The following ARNT variants were observed in gnomAD, a reference collection of about 807,000 sequenced individuals.
ARNT encodes aryl hydrocarbon receptor nuclear translocator.
A neutral mutation model predicts 105.0 loss-of-function variants in ARNT; 30 were observed. The ratio of observed to expected loss-of-function variants is 0.29; its 90% CI spans 0.21 to 0.39. ARNT has a LOEUF of 0.39. Ranked by LOEUF, ARNT falls within the 10% of genes least tolerant of loss-of-function variation. ARNT has a pLI of 1.00. For synonymous variants in ARNT, 304 were observed against 344.0 expected (o/e 0.88, Z 1.29); for missense variants, 748 against 978.7 (o/e 0.76, Z 3.15).
rs1346748022 is a variant in ARNT, at chr1:150,816,789, T to C, written c.1801A>G (p.Arg601Gly). Residue 601 changes from arginine (R) to glycine (G), a missense_variant and splice_region_variant, in exon 18 of 22, where the codon AGG (arginine) becomes GGG (glycine). This residue lies in a region of ARNT where 360 missense variants were observed against 411.9 expected (regional missense o/e 0.87). Transcript: ENST00000358595. Reference sequence around the variant, plus strand: ...GCAGCACATATATACGGGGCTCACCTGAAATTCTCTGCCGGCCGGGGGGTA... The same window carrying C: ...GCAGCACATATATACGGGGCTCACCCGAAATTCTCTGCCGGCCGGGGGGTA... The part of the protein sequence containing the change: ...PPTPRPAENF[R>G]NSGLAPPVTI... 6.3e-7 allele frequency: 1 copy of C among 1,578,490 alleles called. No homozygotes were observed. Among genetic ancestry groups the C allele is most frequent in the East Asian group, 2.2e-5 (1 of 44,722 alleles).
Position 150,817,901 on chromosome 1 carries a change from TTATTTCACCC to T in ARNT, c.1505+9_1505+18del. On this transcript the variant is annotated intron_variant, in intron 15 of 21. Transcript: ENST00000358595. ...CCCTGGGTGACTGCTCAACAGATGATTATTTCACCCTTTTTTACCTGGGTGCCAGCTGTCC... is the reference window on the plus strand; with the variant it reads ...CCCTGGGTGACTGCTCAACAGATGATTTTTTTACCTGGGTGCCAGCTGTCC... 5.1e-6 allele frequency: 8 copies of T among 1,580,976 alleles called. No homozygotes were observed. The highest frequency in any genetic ancestry group is 6.9e-6 in the Non-Finnish European group (8 of 1,154,168).
At chr1:150,833,835 CAGGGAAAA>C (rs1659780098) in intron 8 of ARNT, among the ~76,000 whole-genome samples, 1 of 150,098 alleles carries the variant, frequency 6.7e-6, no homozygotes, top group Non-Finnish European at 1.5e-5. Context: ...TGTGTTGTAA[CAGGGAAAA>C]AGTAGAGGTT....
At chr1:150,862,947 A>G (rs1206248405) in intron 1 of ARNT, among the ~76,000 whole-genome samples, 1 of 150,702 alleles carries the variant, frequency 6.6e-6, no homozygotes, top group Non-Finnish European at 1.5e-5. Flanking sequence ...GCTACTCGGG[A>G]GGCTGAGGCA....
In ARNT at chr1:150,860,254, C is replaced by T. The variant is rs1170061828; in HGVS notation, c.26-1794G>A. Among the ~76,000 whole-genome samples, 20 of 139,810 alleles carry T rather than the reference C, an allele frequency of 1.4e-4. No homozygotes were observed. In the East Asian group the frequency reaches 3.2e-3, roughly 23 times the overall value. The allele number at this position is 139,810 out of a possible 152,430, so 91.7% of individuals were successfully genotyped here. A position where few individuals can be genotyped will look rare whatever the true frequency, so the allele number is the denominator to read the frequency against. ...TTTTTGAGTTAGAGTCTCACTCTGTCGCCCAGGCTGGAGTGCAGTGGCGCA... is the reference window on the plus strand; with the variant it reads ...TTTTTGAGTTAGAGTCTCACTCTGTTGCCCAGGCTGGAGTGCAGTGGCGCA... On this transcript the variant is annotated intron_variant, in intron 1 of 21. Transcript: ENST00000358595.
chr1:150,869,679 T>C (rs1289379433), intron 1 of ARNT, among the ~76,000 whole-genome samples: 2 of 151,540 alleles, frequency 1.3e-5, no homozygotes, highest in Non-Finnish European at 2.9e-5. Context: ...TCCCAAGTAG[T>C]TGGGACTATA....
Position 150,813,214 on chromosome 1 carries a change from T to G in ARNT, c.2238A>C (p.Gln746His). 1.2e-6 allele frequency: 2 copies of G among 1,613,704 alleles called. No individual in the cohort carries two copies. Among genetic ancestry groups the G allele is most frequent in the South Asian group, 2.2e-5 (2 of 90,928 alleles). The change falls in exon 21 of 22, where the codon CAA (glutamine) becomes CAC (histidine). Residue 746 changes from glutamine (Q) to histidine (H), a missense_variant. By Grantham distance (24) the Gln-to-His change is conservative. This residue lies in a region of ARNT where 360 missense variants were observed against 411.9 expected (regional missense o/e 0.87). Transcript: ENST00000358595. ...GGCCAGGTTGCTGTGCTGGCGGTTG[T>G]TGAACATGTTGCTCACTAGAACTTG... The part of the protein sequence containing the change: ...HRSSSSEQHV[Q>H]QPPAQQPGQP...
At position 150,811,597 on chromosome 1, in the gene ARNT, T is replaced by C. The variant is rs772733665; in HGVS notation, c.*424A>G. ...CCCCATATATACCTACAATGTTTCATGGTCCTCAAATATGAGGACATTTCT... is the reference window on the plus strand; with the variant it reads ...CCCCATATATACCTACAATGTTTCACGGTCCTCAAATATGAGGACATTTCT... On this transcript the variant is annotated 3_prime_UTR_variant, in exon 22 of 22. Transcript: ENST00000358595. The C allele has an allele frequency of 1.3e-5, 3 of 233,926 alleles. No individual in the cohort carries two copies. Among genetic ancestry groups the C allele is most frequent in the Admixed American group, 5.6e-5 (1 of 17,808 alleles). 14.5% of individuals were successfully genotyped at this position (233,926 alleles called of 1,614,324 possible).
chr1:150,815,920 T>C (rs587718240), intron 19 of ARNT, among the ~76,000 whole-genome samples: 1 of 151,940 alleles, frequency 6.6e-6, no homozygotes, highest in East Asian at 1.9e-4. Flanking sequence ...TCACTGTAAG[T>C]TAGTCATTAA....
In ARNT at chr1:150,853,472, TAG is replaced by T. The variant is rs587715646; in HGVS notation, c.138-668_138-667del. Among the ~76,000 whole-genome samples, 165 of 152,350 alleles carry T rather than the reference TAG, an allele frequency of 1.1e-3. 1 individual carries two copies. The highest frequency in any genetic ancestry group is 3.9e-3 in the African/African-American group (162 of 41,584). ...ATAATTCAGGTCCATGTTTCATTTC[TAG>T]AGTCTGCTCTAAGCCGTGTTACCAA... On this transcript the variant is annotated intron_variant, in intron 2 of 21. Transcript: ENST00000358595.
rs1654490801 is a variant in ARNT at position 150,810,246 on chromosome 1, C to T, written c.*1775G>A. On this transcript the variant is annotated 3_prime_UTR_variant, in exon 22 of 22. Coordinates refer to ENST00000358595, the MANE Select transcript of ARNT (RefSeq NM_001668.4). ...TAAAACCCTGAAGGAAAAGCAAAAA[C>T]AAAACCCCCAGAGCATCTTCTCGCT... 4.3e-6 allele frequency: 1 copy of T among 232,902 alleles called. No homozygotes were observed. Among genetic ancestry groups the T allele is most frequent in the African/African-American group, 2.2e-5 (1 of 45,244 alleles). The allele number at this position is 232,902 out of a possible 1,614,324, so 14.4% of individuals were successfully genotyped here. A position where few individuals can be genotyped will look rare whatever the true frequency, so the allele number is the denominator to read the frequency against.
At position 150,842,423 on chromosome 1, in the gene ARNT, C is replaced by T; in HGVS notation, c.272+1G>A. The stretch of plus-strand genomic sequence containing the variant: ...CATGCTAAAAGACACTGTTCTCCTA[C>T]CTGGCAAGTCTCTCTTTATCCGCAG... On this transcript the variant is annotated splice_donor_variant, in intron 5 of 21. Transcript: ENST00000358595. LOFTEE classifies it high-confidence loss of function. 2 of 1,612,206 alleles carry T rather than the reference C, an allele frequency of 1.2e-6. No individual in the cohort carries two copies. Among genetic ancestry groups the T allele is most frequent in the Non-Finnish European group, 1.7e-6 (2 of 1,178,986 alleles).
At position 150,817,165 on chromosome 1, in the gene ARNT, C is replaced by T; in HGVS notation, c.1616G>A (p.Ser539Asn). The change falls in exon 17 of 22, where the codon AGC becomes AAC. Residue 539 changes from serine to asparagine, a missense_variant. Around this residue, in one of 4 missense-constraint regions of ARNT, gnomAD observed 360 missense variants for 411.9 expected, o/e 0.87. Transcript: ENST00000358595. The stretch of plus-strand genomic sequence containing the variant: ...ACCATCTGACTTCTCAAGGGGCTTG[C>T]TGTGTTCTGGTCCTGTGGTTGTCAC... ...QPVTTTGPEH[S>N]KPLEKSDGLF... 6.2e-7 allele frequency: 1 copy of T among 1,614,188 alleles called. No individual in the cohort carries two copies. Among genetic ancestry groups the T allele is most frequent in the Non-Finnish European group, 8.5e-7 (1 of 1,180,036 alleles).
chr1:150,843,598 T>C (rs1217429208), intron 4 of ARNT, among the ~76,000 whole-genome samples: 1 of 152,092 alleles, frequency 6.6e-6, no homozygotes, highest in Non-Finnish European at 1.5e-5. Flanking sequence ...CAGTTTAGAG[T>C]TTTACATTCC....
chr1:150,849,727 C>A (rs1557922755), intron 3 of ARNT, among the ~76,000 whole-genome samples: 1 of 152,176 alleles, frequency 6.6e-6, no homozygotes, highest in Non-Finnish European at 1.5e-5. Context: ...TGTGCCACTG[C>A]ACTCCAGTCT....
intron 3 of ARNT, among the ~76,000 whole-genome samples, chr1:150,850,434 G>A (rs1053784474): frequency 2.6e-5 from 4 of 152,182 alleles, no homozygotes; most frequent in African/African-American, 7.2e-5. Flanking sequence ...GTCGCGCGCC[G>A]CCACGCCTGA....
intron 19 of ARNT, among the ~76,000 whole-genome samples, chr1:150,815,746 C>T (rs1655712855): frequency 6.6e-6 from 1 of 150,780 alleles, no homozygotes; most frequent in Non-Finnish European, 1.5e-5. Flanking sequence ...CTGTACAAGT[C>T]CCAGCTACTT....
intron 2 of ARNT, among the ~76,000 whole-genome samples, chr1:150,857,122 T>G (rs971081634): frequency 8.5e-5 from 13 of 152,236 alleles, no homozygotes; most frequent in African/African-American, 3.1e-4. Flanking sequence ...TTTTTTCCTA[T>G]GTACATGTTA....
In ARNT at chr1:150,811,528, T is replaced by G. The variant is rs1438083143; in HGVS notation, c.*493A>C. The G allele has an allele frequency of 4.3e-6, 1 of 233,584 alleles. No homozygotes were observed. The allele number at this position is 233,584 out of a possible 1,614,324, so 14.5% of individuals were successfully genotyped here. A position where few individuals can be genotyped will look rare whatever the true frequency, so the allele number is the denominator to read the frequency against. ...CTCACATGTTTCTTTCCAGAGGGACTGCTCACAGGCAGCAAAAAGAGCCTA... is the reference window on the plus strand; with the variant it reads ...CTCACATGTTTCTTTCCAGAGGGACGGCTCACAGGCAGCAAAAAGAGCCTA... On this transcript the variant is annotated 3_prime_UTR_variant, in exon 22 of 22. Transcript: ENST00000358595.
At position 150,817,195 on chromosome 1, in the gene ARNT, T is replaced by A; in HGVS notation, c.1586A>T (p.Gln529Leu). 1.2e-6 allele frequency: 2 copies of A among 1,614,142 alleles called. No homozygotes were observed. The highest frequency in any genetic ancestry group is 2.2e-5 in the South Asian group (2 of 91,056). The change falls in exon 17 of 22, where the codon CAG (glutamine) becomes CTG (leucine). Residue 529 changes from glutamine (Q) to leucine (L), a missense_variant. By Grantham distance (113) the Gln-to-Leu change is moderately radical. Around this residue, in one of 4 missense-constraint regions of ARNT, gnomAD observed 360 missense variants for 411.9 expected, o/e 0.87. Coordinates refer to ENST00000358595, the MANE Select transcript of ARNT (RefSeq NM_001668.4). ...TTCTGGTCCTGTGGTTGTCACAGGCTGAACCACCTGTGGAATACAATGATA... is the reference window on the plus strand; with the variant it reads ...TTCTGGTCCTGTGGTTGTCACAGGCAGAACCACCTGTGGAATACAATGATA... ...LASYNHSQVV[Q>L]PVTTTGPEHS... is the part of the protein sequence containing the mutation.
Sources: allele counts gnomAD v4.1 joint callset (sites outside exome capture counted in the v4.1 genomes callset), GRCh38; gene constraint gnomAD v4.1.1; regional missense constraint gnomAD v4.1.1; transcripts MANE v1.5; gene names NCBI Gene and HGNC (gene_info 2026-07-23, HGNC 2026-07-21).